Variants in EPYC observed in about 807,000 individuals in gnomAD.
EPYC encodes epiphycan, also known as dermatan sulfate proteoglycan 3.
In EPYC, 28 loss-of-function variants were observed where a neutral mutation model predicts 30.1. The ratio of observed to expected loss-of-function variants is 0.93; its 90% CI spans 0.69 to 1.28. The LOEUF is 1.28. Among genes scored for constraint, EPYC ranks in the 50% most tolerant of loss-of-function variants. The pLI is 0.00. For missense variants in EPYC, 382 were observed against 383.5 expected (o/e 1.00, Z 0.03); for synonymous variants, 144 against 141.4 (o/e 1.02, Z -0.13).
chr12:90,988,690 A>G (rs555823379), intron 2 of EPYC, among the ~76,000 whole-genome samples: 1 of 152,166 alleles, frequency 6.6e-6, no homozygotes. Flanking sequence ...GGCAAGTCTT[A>G]TTAGTAGCTG....
In EPYC at chr12:91,000,797, T is replaced by TA. The variant is rs200471532; in HGVS notation, c.165+1603_165+1604insT. Among the ~76,000 whole-genome samples the TA allele has an allele frequency of 3.0e-3, 234 of 78,416 alleles. 1 individual carries two copies. In the East Asian group the frequency reaches 0.065, roughly 22 times the overall value. The allele number at this position is 78,416 out of a possible 152,430, so 51.4% of individuals were successfully genotyped here. On this transcript the variant is annotated intron_variant, in intron 2 of 6. Coordinates refer to ENST00000261172, the MANE Select transcript of EPYC (RefSeq NM_004950.5). ...AATTCAGAAATGCACTAACTTTTTT[T>TA]TAAAAAAATGTGTTTTTATGCAAGA...
At chr12:91,001,774 A>G (rs1273371202) in intron 2 of EPYC, among the ~76,000 whole-genome samples, 2 of 152,048 alleles carry the variant, frequency 1.3e-5, no homozygotes, top group Non-Finnish European at 2.9e-5. Context: ...CGTGCATACC[A>G]TTTTAACTCT....
chr12:91,004,765 G>A (rs2120883676), intron 1 of EPYC, among the ~76,000 whole-genome samples, 182 bp downstream of exon 1: 1 of 152,100 alleles, frequency 6.6e-6, no homozygotes, highest in South Asian at 2.1e-4. Flanking sequence ...TAATTCCTAA[G>A]CTAATTCAAA....
At chr12:90,979,839 T>G (rs1877282400) in intron 2 of EPYC, among the ~76,000 whole-genome samples, 1 of 152,150 alleles carries the variant, frequency 6.6e-6, no homozygotes, top group Non-Finnish European at 1.5e-5. Flanking sequence ...CCAAAATATA[T>G]CTAAGTCACA....
intron 6 of EPYC, among the ~76,000 whole-genome samples, chr12:90,969,269 C>T (rs1876975048): frequency 6.6e-6 from 1 of 151,624 alleles, no homozygotes; most frequent in South Asian, 2.1e-4. Context: ...GGTGTTTTCT[C>T]TATATATTTA....
At chr12:90,964,890 G>C (rs935310585) in intron 6 of EPYC, among the ~76,000 whole-genome samples, 1 of 152,170 alleles carries the variant, frequency 6.6e-6, no homozygotes, top group South Asian at 2.1e-4. Context: ...TTTATTTACT[G>C]TATCTCACAT....
intron 6 of EPYC, among the ~76,000 whole-genome samples, chr12:90,965,990 A>G (rs1876885367): frequency 6.6e-6 from 1 of 152,078 alleles, no homozygotes; most frequent in Non-Finnish European, 1.5e-5. Flanking sequence ...GTAACCTGCC[A>G]CATTGCTGAA....
intron 2 of EPYC, among the ~76,000 whole-genome samples, chr12:90,992,655 A>G (rs1188024476): frequency 6.6e-6 from 1 of 152,200 alleles, no homozygotes; most frequent in Admixed American, 6.5e-5. Flanking sequence ...CCACCATTGC[A>G]TATTTACAAA....
At chr12:90,995,530 T>C (rs1289069922) in intron 2 of EPYC, among the ~76,000 whole-genome samples, 2 of 151,996 alleles carry the variant, frequency 1.3e-5, no homozygotes, top group African/African-American at 4.8e-5. Flanking sequence ...GATTAAATTT[T>C]ACTCAGAAAC....
rs562917769 is a variant in EPYC at position 90,963,946 on chromosome 12, T to C, written c.*210A>G. On this transcript the variant is annotated 3_prime_UTR_variant, in exon 7 of 7. Coordinates refer to ENST00000261172, the MANE Select transcript of EPYC (RefSeq NM_004950.5). Reference sequence around the variant, plus strand: ...TATTTTCTATCACTTAGTTTTGCTCTTTTTGTAAATGTTATAGGTTTATTC... The same window carrying C: ...TATTTTCTATCACTTAGTTTTGCTCCTTTTGTAAATGTTATAGGTTTATTC... 2.6e-5 allele frequency: 10 copies of C among 388,930 alleles called. No individual in the cohort carries two copies. In the South Asian group the frequency reaches 7.2e-4, roughly 28 times the overall value. The allele number at this position is 388,930 out of a possible 1,614,324, so 24.1% of individuals were successfully genotyped here. A position where few individuals can be genotyped will look rare whatever the true frequency, so the allele number is the denominator to read the frequency against.
At position 91,002,503 on chromosome 12, in the gene EPYC, T is replaced by C; in HGVS notation, c.63A>G (p.Pro21=). 1 of 1,613,358 alleles carries C rather than the reference T, an allele frequency of 6.2e-7. No homozygotes were observed. The highest frequency in any genetic ancestry group is 1.1e-5 in the South Asian group (1 of 91,052). Reference sequence around the variant, plus strand: ...AGTCATAGTTGATGGACTCTAGAGTTGGGGCAGTCACAGCAGCATCAAAGA... The same window carrying C: ...AGTCATAGTTGATGGACTCTAGAGTCGGGGCAGTCACAGCAGCATCAAAGA... ...LVIFDAAVTA[P]TLESINYDSE... The change falls in exon 2 of 7, where the codon CCA becomes CCG. Residue 21 remains proline, a synonymous_variant. Coordinates refer to ENST00000261172, the MANE Select transcript of EPYC (RefSeq NM_004950.5).
chr12:90,983,835 T>A, intron 2 of EPYC, among the ~76,000 whole-genome samples: 1 of 152,134 alleles, frequency 6.6e-6, no homozygotes, highest in East Asian at 1.9e-4. Flanking sequence ...TGGGACTCTG[T>A]TCCTTTCTTT....
intron 3 of EPYC, among the ~76,000 whole-genome samples, chr12:90,973,741 CAGAG>C: frequency 6.6e-6 from 1 of 152,086 alleles, no homozygotes; most frequent in Non-Finnish European, 1.5e-5. Flanking sequence ...GGTTAAAACT[CAGAG>C]AGCATTGGAA....
At chr12:90,970,658 C>T (rs1877016461) in intron 5 of EPYC, among the ~76,000 whole-genome samples, 1 of 152,226 alleles carries the variant, frequency 6.6e-6, no homozygotes, top group Admixed American at 6.5e-5. Flanking sequence ...AACTGTGACT[C>T]ATCACCACCT....
chr12:90,975,564 A>G (rs1877160613), intron 3 of EPYC, among the ~76,000 whole-genome samples: 1 of 151,990 alleles, frequency 6.6e-6, no homozygotes, highest in Admixed American at 6.6e-5. Context: ...TAAAAGTCTT[A>G]GTTTTTGTTA....
Position 90,978,278 on chromosome 12 carries a change from AAAAG to A in EPYC, c.166-20_166-17del, listed in dbSNP as rs1415595799. 2.3e-5 allele frequency: 36 copies of A among 1,573,586 alleles called. No homozygotes were observed. Among genetic ancestry groups the A allele is most frequent in the Non-Finnish European group, 2.9e-5 (34 of 1,167,854 alleles). ...CTATTTCAATCTGAAAAAAAAAAAA[AAAAG>A]AGAATTTCTTCAGGCCAACTTCTCA... On this transcript the variant is annotated splice_polypyrimidine_tract_variant and intron_variant, in intron 2 of 6. Coordinates refer to ENST00000261172, the MANE Select transcript of EPYC (RefSeq NM_004950.5).
intron 2 of EPYC, among the ~76,000 whole-genome samples, chr12:90,991,707 A>G (rs755670246): frequency 6.6e-6 from 1 of 152,214 alleles, no homozygotes; most frequent in Non-Finnish European, 1.5e-5. Context: ...GAGGAAAGCC[A>G]AACACCAAAC....
At chr12:90,994,349 G>A (rs755125705) in intron 2 of EPYC, among the ~76,000 whole-genome samples, 2 of 152,130 alleles carry the variant, frequency 1.3e-5, no homozygotes, top group Non-Finnish European at 2.9e-5. Context: ...CTATGTACCA[G>A]GTTCTGTATT....
intron 5 of EPYC, among the ~76,000 whole-genome samples, chr12:90,970,460 C>T (rs1877012371): frequency 6.6e-6 from 1 of 152,194 alleles, no homozygotes; most frequent in African/African-American, 2.4e-5. Flanking sequence ...CTATGAAAGG[C>T]ATTCTGCAGT....
Sources: allele counts gnomAD v4.1 joint callset (sites outside exome capture counted in the v4.1 genomes callset), GRCh38; gene constraint gnomAD v4.1.1; transcripts MANE v1.5; gene names NCBI Gene and HGNC (gene_info 2026-07-23, HGNC 2026-07-21).